Variants in VCPIP1 observed in about 807,000 individuals in gnomAD.
VCPIP1 encodes deubiquitinating protein VCPIP1.
A neutral mutation model predicts 85.0 loss-of-function variants in VCPIP1; 8 were observed. That is an observed-to-expected ratio of 0.09 (90% CI 0.06 to 0.17). The LOEUF (loss-of-function observed/expected upper bound fraction) is 0.17. Ranked by LOEUF, VCPIP1 falls within the 10% of genes least tolerant of loss-of-function variation. VCPIP1 has a pLI of 1.00. For synonymous variants in VCPIP1, 543 were observed against 544.5 expected, an observed-to-expected ratio of 1.00 and a Z score of 0.04; for missense variants, 1,070 against 1,486.3, an observed-to-expected ratio of 0.72 and a Z score of 4.61.
At chr8:66,660,902 G>A (rs1215728921) in intron 1 of VCPIP1, among the ~76,000 whole-genome samples, 4 of 152,084 alleles carry the variant, frequency 2.6e-5, no homozygotes, top group Admixed American at 2.6e-4. Context: ...AATTAGCTGG[G>A]TGTGGTGGCA....
In VCPIP1 at chr8:66,634,901, G is replaced by A; in HGVS notation, c.3269C>T (p.Thr1090Ile). ...ELIRIAPGVVTMRDGRQLDPD... is the reference protein window; with the variant it reads ...ELIRIAPGVVIMRDGRQLDPD... ...ATCAAGCTGCCTGCCGTCTCTCATT[G>A]TTACTACTCCAGGAGCTATTCGAAT... The change falls in exon 3 of 3, where the codon ACA (threonine) becomes ATA (isoleucine). Residue 1090 changes from threonine (T) to isoleucine (I), a missense_variant. Transcript: ENST00000310421. 6.2e-7 allele frequency: 1 copy of A among 1,613,904 alleles called. No individual in the cohort carries two copies. The highest frequency in any genetic ancestry group is 8.5e-7 in the Non-Finnish European group (1 of 1,179,934).
intron 1 of VCPIP1, 111 bp downstream of exon 1, chr8:66,664,138 T>C: frequency 7.7e-7 from 1 of 1,298,940 alleles, no homozygotes; most frequent in Non-Finnish European, 1.0e-6. Context: ...CTGAAATATA[T>C]AATTAAAAAC....
chr8:66,646,333 A>G (rs1810995534), intron 2 of VCPIP1, among the ~76,000 whole-genome samples: 1 of 151,920 alleles, frequency 6.6e-6, no homozygotes. Context: ...TCGGCCTCCC[A>G]AAGTGCTGGG....
intron 1 of VCPIP1, among the ~76,000 whole-genome samples, chr8:66,663,316 T>C (rs991837077): frequency 2.0e-5 from 3 of 152,104 alleles, no homozygotes; most frequent in East Asian, 1.9e-4. Context: ...CACTGCCATA[T>C]AGTACTATCA....
chr8:66,660,155 C>T (rs1047118944), intron 1 of VCPIP1, among the ~76,000 whole-genome samples: 9 of 152,150 alleles, frequency 5.9e-5, no homozygotes, highest in Non-Finnish European at 1.3e-4. Flanking sequence ...TTTGTACACT[C>T]AACATACATA....
chr8:66,642,090 C>T (rs988090569), intron 2 of VCPIP1, among the ~76,000 whole-genome samples: 4 of 152,184 alleles, frequency 2.6e-5, no homozygotes, highest in African/African-American at 9.7e-5. Context: ...ACATTCTCGC[C>T]TACAATTCTT....
Position 66,664,291 on chromosome 8 carries a change from C to T in VCPIP1, c.2668G>A (p.Glu890Lys), listed in dbSNP as rs1287676315. ...AGACACAAGGAGTACATTTCTTTTTCAGCTTGCTCCTGAAGTTCCTTAGAT... is the reference window on the plus strand; with the variant it reads ...AGACACAAGGAGTACATTTCTTTTTTAGCTTGCTCCTGAAGTTCCTTAGAT... ...LSSKELQEQA[E>K]KEMYSLCLLA... The change falls in exon 1 of 3, where the codon GAA (glutamate) becomes AAA (lysine). Residue 890 changes from glutamate (E) to lysine (K), a missense_variant. This residue lies in a region of VCPIP1 where 278 missense variants were observed against 298.5 expected (regional missense o/e 0.93). Coordinates refer to ENST00000310421, the MANE Select transcript of VCPIP1 (RefSeq NM_025054.5). 3.8e-6 allele frequency: 6 copies of T among 1,596,804 alleles called. No homozygotes were observed. The South Asian group carries it at 6.7e-5, about 18-fold the overall frequency.
chr8:66,665,272 T>C lies in VCPIP1; in HGVS notation c.1687A>G (p.Thr563Ala). ...TTGCCACCAGTGGACCTAGAATTAG[T>C]TCTGTCTCCATCCAAATACACAATA... ...GSIVYLDGDR[T>A]NSRSTGGKCG... Residue 563 changes from threonine (T) to alanine (A), a missense_variant, in exon 1 of 3, where the codon ACT becomes GCT. Coordinates refer to ENST00000310421, the MANE Select transcript of VCPIP1 (RefSeq NM_025054.5). This position sits in a 1 kb window ranked among gnomAD's most constrained non-coding sequence, Gnocchi z 4.3. 6.2e-7 allele frequency: 1 copy of C among 1,614,188 alleles called. No individual in the cohort carries two copies. Among genetic ancestry groups the C allele is most frequent in the Non-Finnish European group, 8.5e-7 (1 of 1,180,026 alleles).
At chr8:66,648,184 T>C (rs1811014475) in intron 2 of VCPIP1, among the ~76,000 whole-genome samples, 1 of 152,172 alleles carries the variant, frequency 6.6e-6, no homozygotes, top group African/African-American at 2.4e-5. Context: ...ATTCAAAGTG[T>C]TTTTAAAAAA....
intron 2 of VCPIP1, among the ~76,000 whole-genome samples, chr8:66,638,970 C>CTCTCTCTCTCTCTA: frequency 7.6e-5 from 9 of 118,426 alleles, no homozygotes; most frequent in Admixed American, 5.1e-4. Flanking sequence ...CTCTCTCTCT[C>CTCTCTCTCTCTCTA]TATATATATA....
At position 66,666,195 on chromosome 8, in the gene VCPIP1, G is replaced by A. The variant is rs749708830; in HGVS notation, c.764C>T (p.Ala255Val). The A allele has an allele frequency of 4.3e-6, 7 of 1,613,912 alleles. No homozygotes were observed. Among genetic ancestry groups the A allele is most frequent in the Non-Finnish European group, 5.9e-6 (7 of 1,179,972 alleles). The part of the protein sequence containing the change: ...HFQQHLARYQ[A>V]LFHDFIDAAE... ...AGCATCAATGAAGTCATGGAACAGA[G>A]CTTGATATCGGGCCAGGTGCTGCTG... Residue 255 changes from alanine (A) to valine (V), a missense_variant, in exon 1 of 3, where the codon GCT becomes GTT. Coordinates refer to ENST00000310421, the MANE Select transcript of VCPIP1 (RefSeq NM_025054.5). The surrounding 1 kb of genome is among the most constrained non-coding windows in gnomAD (Gnocchi z 6.3).
intron 1 of VCPIP1, among the ~76,000 whole-genome samples, chr8:66,663,867 CAT>C (rs1811180354): frequency 1.3e-5 from 2 of 152,040 alleles, no homozygotes; most frequent in South Asian, 4.1e-4. Flanking sequence ...GCTGAAATCA[CAT>C]GACATACAGG....
At position 66,629,373 on chromosome 8, in the gene VCPIP1, A is replaced by T. The variant is rs1310776953; in HGVS notation, c.*5128T>A. ...AGCATATACAATAAAACTTGGAAGT[A>T]AACGTGTTGACTGCTAAGCTACACA... On this transcript the variant is annotated 3_prime_UTR_variant, in exon 3 of 3. Coordinates refer to ENST00000310421, the MANE Select transcript of VCPIP1 (RefSeq NM_025054.5). 1 of 152,242 alleles carries T rather than the reference A, an allele frequency of 6.6e-6. No individual in the cohort carries two copies. The highest frequency in any genetic ancestry group is 1.5e-5 in the Non-Finnish European group (1 of 68,046). The allele number at this position is 152,242 out of a possible 1,614,324, so 9.4% of individuals were successfully genotyped here.
rs1167321619 is a variant in VCPIP1 at position 66,650,856 on chromosome 8, G to A, written c.2797+602C>T. 3.7e-5 allele frequency among the ~76,000 whole-genome samples: 3 copies of A among 81,822 alleles called. No individual in the cohort carries two copies. In the South Asian group the frequency reaches 1.3e-3, roughly 36 times the overall value. 53.7% of individuals were successfully genotyped at this position (81,822 alleles called of 152,430 possible). ...GTCTGGGGGACAAGAGCAAGACTTC[G>A]TCTCAAAAAAAAAAAAAAAAAAAAA... On this transcript the variant is annotated intron_variant, in intron 2 of 2. Transcript: ENST00000310421.
At chr8:66,638,265 T>C (rs766462858) in intron 2 of VCPIP1, among the ~76,000 whole-genome samples, 1 of 151,854 alleles carries the variant, frequency 6.6e-6, no homozygotes, top group African/African-American at 2.4e-5. Flanking sequence ...CAGAGGCAAA[T>C]TGACTACTTG....
chr8:66,635,807 GGAGGCT>G (rs956754247), intron 2 of VCPIP1, among the ~76,000 whole-genome samples: 1 of 151,900 alleles, frequency 6.6e-6, no homozygotes, highest in Non-Finnish European at 1.5e-5. Context: ...CAGCTACTTG[GGAGGCT>G]GAGGCAGGAG....
At position 66,664,450 on chromosome 8, in the gene VCPIP1, G is replaced by C. The variant is rs749653481; in HGVS notation, c.2509C>G (p.Pro837Ala). 3.7e-6 allele frequency: 6 copies of C among 1,613,866 alleles called. No homozygotes were observed. In the East Asian group the frequency reaches 1.3e-4, roughly 36 times the overall value. Residue 837 changes from proline (P) to alanine (A), a missense_variant, in exon 1 of 3, where the codon CCA becomes GCA. Physicochemically the swap from Pro to Ala is conservative, Grantham distance 27. This residue lies in a region of VCPIP1 where 278 missense variants were observed against 298.5 expected (regional missense o/e 0.93). Coordinates refer to ENST00000310421, the MANE Select transcript of VCPIP1 (RefSeq NM_025054.5). Reference sequence around the variant, plus strand: ...CTGTCGCCATGCTGTAAAGGAACTGGTTCCTTTTCCATTCCTGCCTGTGGT... The same window carrying C: ...CTGTCGCCATGCTGTAAAGGAACTGCTTCCTTTTCCATTCCTGCCTGTGGT... ...MPPQAGMEKE[P>A]VPLQHGDRIT... is the part of the protein sequence containing the mutation.
intron 2 of VCPIP1, among the ~76,000 whole-genome samples, chr8:66,639,539 G>C (rs1326220106): frequency 6.6e-6 from 1 of 151,620 alleles, no homozygotes; most frequent in Non-Finnish European, 1.5e-5. Context: ...ATTTTTTGTA[G>C]AGACAGGGTT....
At position 66,633,262 on chromosome 8, in the gene VCPIP1, A is replaced by C. The variant is rs2130140154; in HGVS notation, c.*1239T>G. On this transcript the variant is annotated 3_prime_UTR_variant, in exon 3 of 3. Coordinates refer to ENST00000310421, the MANE Select transcript of VCPIP1 (RefSeq NM_025054.5). The stretch of plus-strand genomic sequence containing the variant: ...TCTAGGTAAGAGATTGTATTAACAT[A>C]TATTTTGTCTTTCAGCCATTCAAAT... 6.5e-6 allele frequency: 1 copy of C among 152,708 alleles called. No homozygotes were observed. The highest frequency in any genetic ancestry group is 2.1e-4 in the South Asian group (1 of 4,830). The allele number at this position is 152,708 out of a possible 1,614,324, so 9.5% of individuals were successfully genotyped here.
Sources: gnomAD v4.1 joint callset for allele counts (sites outside exome capture counted in the v4.1 genomes callset) on GRCh38, gnomAD v4.1.1 for gene constraint, gnomAD v4.1.1 regional missense constraint, Gnocchi (gnomAD v3.1) non-coding constraint, MANE v1.5 for transcripts, NCBI Gene and HGNC (gene_info 2026-07-23, HGNC 2026-07-21) for gene names.